Variants in ZHX3 observed in about 807,000 individuals in gnomAD.
ZHX3 encodes the protein zinc fingers and homeoboxes protein 3.
A neutral mutation model predicts 64.5 loss-of-function variants in ZHX3; 20 were observed. The observed-to-expected ratio is 0.31, with a 90% CI of 0.22 to 0.45. ZHX3 has a LOEUF of 0.45. ZHX3 is among the 20% of genes least tolerant of loss of function. ZHX3 has a pLI of 1.00. For synonymous variants in ZHX3, 423 were observed against 461.6 expected (o/e 0.92, Z 1.07); for missense variants, 1,041 against 1,195.8 (o/e 0.87, Z 1.91).
At chr20:41,197,211 A>ATATATTTT (rs1363358469) in intron 3 of ZHX3, 2 of 147,418 alleles carry the variant, frequency 1.4e-5, no homozygotes, top group African/African-American at 4.9e-5. Context: ...CATGTTATAC[A>ATATATTTT]TATATTTTAT....
At chr20:41,313,535 T>C (rs184314605) in intron 1 of ZHX3, among the ~76,000 whole-genome samples, 60 of 151,512 alleles carry the variant, frequency 4.0e-4, no homozygotes, top group Middle Eastern at 3.4e-3. Context: ...CTCAAATACA[T>C]GCTCAATCAA....
At chr20:41,264,385 CAAAAAAAAAAA>C (rs1165922837) in intron 2 of ZHX3, among the ~76,000 whole-genome samples, 1 of 74,502 alleles carries the variant, frequency 1.3e-5, no homozygotes, top group Non-Finnish European at 2.5e-5. Context: ...ACCAAAAATA[CAAAAAAAAAAA>C]AAAAAAAAAA....
At chr20:41,270,835 G>T (rs767067213) in intron 1 of ZHX3, among the ~76,000 whole-genome samples, 29 of 152,058 alleles carry the variant, frequency 1.9e-4, no homozygotes, top group Non-Finnish European at 2.8e-4. Context: ...TACTGAATTA[G>T]CTCTTGAAAA....
intron 2 of ZHX3, among the ~76,000 whole-genome samples, chr20:41,225,745 C>T (rs1035611633): frequency 6.6e-6 from 1 of 152,156 alleles, no homozygotes; most frequent in African/African-American, 2.4e-5. Flanking sequence ...GCCTTGGCCT[C>T]CCAAAGTGCT....
intron 2 of ZHX3, among the ~76,000 whole-genome samples, chr20:41,246,036 A>G (rs2041669764): frequency 6.6e-6 from 1 of 152,236 alleles, no homozygotes; most frequent in South Asian, 2.1e-4. Flanking sequence ...TCCATTAACC[A>G]GGAATATATT....
chr20:41,229,868 A>C (rs1313195743), intron 2 of ZHX3, among the ~76,000 whole-genome samples: 1 of 152,146 alleles, frequency 6.6e-6, no homozygotes, highest in African/African-American at 2.4e-5. Context: ...GTCTTCTTCT[A>C]AGCATTTTAT....
Position 41,224,319 on chromosome 20 carries a change from G to A in ZHX3, c.-150-19253C>T, listed in dbSNP as rs1280408399. Among the ~76,000 whole-genome samples, 15 of 152,048 alleles carry A rather than the reference G, an allele frequency of 9.9e-5. No homozygotes were observed. The highest frequency in any genetic ancestry group is 1.6e-4 in the Non-Finnish European group (11 of 67,994). ...AAATCAACTCTTTTTACTACATGAC[G>A]CATCAACTCTCTTTTCTATATATCA... On this transcript the variant is annotated intron_variant, in intron 2 of 3. Transcript: ENST00000683867. The surrounding 1 kb of genome is among the most constrained non-coding windows in gnomAD (Gnocchi z 5.2).
At position 41,180,589 on chromosome 20, in the gene ZHX3, G is replaced by C. The variant is rs565168924; in HGVS notation, c.*4602C>G. On this transcript the variant is annotated 3_prime_UTR_variant, in exon 4 of 4. Coordinates refer to ENST00000683867, the MANE Select transcript of ZHX3 (RefSeq NM_001384317.1). The stretch of plus-strand genomic sequence containing the variant: ...GAGCTCAGGAATGAAGAACCAAAAA[G>C]GAGGCTCTCAACCCCTCTCCAAGGC... 6.6e-6 allele frequency: 1 copy of C among 152,392 alleles called. No individual in the cohort carries two copies. The highest frequency in any genetic ancestry group is 1.9e-4 in the East Asian group (1 of 5,192). 9.4% of individuals were successfully genotyped at this position (152,392 alleles called of 1,614,324 possible). A position where few individuals can be genotyped will look rare whatever the true frequency, so the allele number is the denominator to read the frequency against.
intron 1 of ZHX3, among the ~76,000 whole-genome samples, chr20:41,284,147 C>A (rs147566682): frequency 6.6e-6 from 1 of 152,222 alleles, no homozygotes; most frequent in South Asian, 2.1e-4. Context: ...AAATAAGGAA[C>A]GCCTATTACC....
chr20:41,210,215 G>T (rs915404241), intron 2 of ZHX3, among the ~76,000 whole-genome samples: 1 of 152,232 alleles, frequency 6.6e-6, no homozygotes, highest in Admixed American at 6.5e-5. Flanking sequence ...TGGAGAGGAT[G>T]TGGAGAAATA....
At chr20:41,311,062 C>T (rs1286912377) in intron 1 of ZHX3, among the ~76,000 whole-genome samples, 2 of 152,142 alleles carry the variant, frequency 1.3e-5, no homozygotes, top group South Asian at 2.1e-4. Flanking sequence ...CCCGCCTAGG[C>T]CTCCCAAAGT....
chr20:41,225,807 T>G (rs994431956), intron 2 of ZHX3, among the ~76,000 whole-genome samples: 7 of 152,174 alleles, frequency 4.6e-5, no homozygotes, highest in African/African-American at 1.7e-4. Flanking sequence ...CATTTTTAAG[T>G]GTACAGTAAG....
intron 3 of ZHX3, among the ~76,000 whole-genome samples, chr20:41,198,225 T>C (rs944690822): frequency 6.6e-6 from 1 of 152,102 alleles, no homozygotes; most frequent in Non-Finnish European, 1.5e-5. Flanking sequence ...CTCAAACTCC[T>C]GACCTCGTGA....
In ZHX3 at chr20:41,187,274, T is replaced by C. The variant is rs78076860; in HGVS notation, c.2861-2073A>G. ...TGAGCCCAGGAGTTTGAAACTGCAG[T>C]AGGTTTGATTGTACCACTGCACTCC... On this transcript the variant is annotated intron_variant, in intron 3 of 3. Transcript: ENST00000683867. 4.7e-3 allele frequency among the ~76,000 whole-genome samples: 638 copies of C among 136,832 alleles called. 13 individuals are homozygous for C. In the East Asian group the frequency reaches 0.057, roughly 12 times the overall value. 89.8% of individuals were successfully genotyped at this position (136,832 alleles called of 152,430 possible).
intron 2 of ZHX3, among the ~76,000 whole-genome samples, chr20:41,241,031 A>T (rs1416528225): frequency 8.5e-5 from 13 of 152,218 alleles, no homozygotes; most frequent in African/African-American, 3.1e-4. Flanking sequence ...GTATATACCC[A>T]GCAGTGGGAT....
At chr20:41,316,956 G>T (rs942585226) in intron 1 of ZHX3, 1 of 152,390 alleles carries the variant, frequency 6.6e-6, no homozygotes, top group Admixed American at 6.5e-5. Flanking sequence ...ACTGTACCCC[G>T]AGTGGTTCGA....
In ZHX3 at chr20:41,190,012, T is replaced by C. The variant is rs557198618; in HGVS notation, c.2861-4811A>G. Among the ~76,000 whole-genome samples the C allele has an allele frequency of 7.7e-4, 117 of 152,326 alleles. 2 individuals carry two copies. The highest frequency in any genetic ancestry group is 2.8e-3 in the African/African-American group (115 of 41,564). ...CTATGCAGTTTTCTGAGTGTTTTTTTTTTATCATGAAGCAATGTTGAATTT... is the reference window on the plus strand; with the variant it reads ...CTATGCAGTTTTCTGAGTGTTTTTTCTTTATCATGAAGCAATGTTGAATTT... On this transcript the variant is annotated intron_variant, in intron 3 of 3. Transcript: ENST00000683867.
intron 3 of ZHX3, among the ~76,000 whole-genome samples, chr20:41,191,946 T>C (rs1050142724): frequency 1.3e-5 from 2 of 152,108 alleles, no homozygotes; most frequent in Non-Finnish European, 2.9e-5. Flanking sequence ...GCACCAGTGT[T>C]AGTGGGTTCA....
At chr20:41,207,057 A>G (rs1243873782) in intron 2 of ZHX3, among the ~76,000 whole-genome samples, 1 of 152,370 alleles carries the variant, frequency 6.6e-6, no homozygotes, top group Admixed American at 6.5e-5. Context: ...ACTAAGCTTC[A>G]TAAGTGAAGG....
Sources: allele counts gnomAD v4.1 joint callset (sites outside exome capture counted in the v4.1 genomes callset), GRCh38; gene constraint gnomAD v4.1.1; non-coding constraint Gnocchi (gnomAD v3.1); transcripts MANE v1.5; gene names NCBI Gene and HGNC (gene_info 2026-07-23, HGNC 2026-07-21).